The following ASTL variants were observed in gnomAD, a reference collection of about 807,000 sequenced individuals.
ASTL encodes the protein astacin-like metalloendopeptidase.
Under a neutral mutation model 36.7 loss-of-function variants are expected in ASTL, and 27 were observed. That is an observed-to-expected ratio of 0.73 (90% CI 0.54 to 1.01). ASTL has a LOEUF of 1.01. Ranked by LOEUF, ASTL falls within the 50% of genes least tolerant of loss-of-function variation. The probability of loss-of-function intolerance (pLI) is 0.00; values close to 1 mark genes in which losing one functional copy is unlikely to be tolerated. For synonymous variants in ASTL, 222 were observed against 228.1 expected (o/e 0.97, Z 0.24); for missense variants, 524 against 572.8 (o/e 0.91, Z 0.87).
intron 3 of ASTL, among the ~76,000 whole-genome samples, chr2:96,134,667 C>G (rs1300802386): frequency 6.6e-6 from 1 of 152,194 alleles, no homozygotes; most frequent in East Asian, 1.9e-4. Flanking sequence ...CTGCCCTGCC[C>G]CCGGAGTTCC....
chr2:96,132,815 G>T lies in ASTL; in HGVS notation c.456-94C>A. On this transcript the variant is annotated intron_variant, in intron 5 of 8. Coordinates refer to ENST00000342380, the MANE Select transcript of ASTL (RefSeq NM_001002036.4). This position sits in a 1 kb window ranked among gnomAD's most constrained non-coding sequence, Gnocchi z 5.4. Reference sequence around the variant, plus strand: ...CTCCCTCCCCACACAACACAAGATAGACAAACTCCCAACAGGCAGGCCCCA... The same window carrying T: ...CTCCCTCCCCACACAACACAAGATATACAAACTCCCAACAGGCAGGCCCCA... 2 of 1,191,478 alleles carry T rather than the reference G, an allele frequency of 1.7e-6. No homozygotes were observed. The highest frequency in any genetic ancestry group is 2.3e-6 in the Non-Finnish European group (2 of 860,090). The allele number at this position is 1,191,478 out of a possible 1,614,324, so 73.8% of individuals were successfully genotyped here.
At chr2:96,137,770 T>A in intron 1 of ASTL, 70 bp from the exon 2 acceptor site, 1 of 1,508,250 alleles carries the variant, frequency 6.6e-7, no homozygotes, top group Non-Finnish European at 9.1e-7. Context: ...CAGCAGGACA[T>A]GGGGTGGGTG....
At chr2:96,128,409 A>G (rs77159687) in intron 8 of ASTL, among the ~76,000 whole-genome samples, 1 of 152,004 alleles carries the variant, frequency 6.6e-6, no homozygotes. Context: ...CTTACTATAT[A>G]TTTTTTTTCT....
chr2:96,128,601 T>A (rs1682108394), intron 8 of ASTL, among the ~76,000 whole-genome samples: 1 of 152,232 alleles, frequency 6.6e-6, no homozygotes. Flanking sequence ...ATGGAATCTG[T>A]TTCTAAATTT....
intron 2 of ASTL, among the ~76,000 whole-genome samples, chr2:96,136,877 C>A (rs1682311329): frequency 6.6e-6 from 1 of 152,210 alleles, no homozygotes; most frequent in African/African-American, 2.4e-5. Context: ...TTGTGAGATG[C>A]TCTGTCGCCC....
chr2:96,133,672 G>A lies in ASTL; in HGVS notation c.338-130C>T, dbSNP rs1682233452. 1.3e-5 allele frequency: 9 copies of A among 713,970 alleles called. No individual in the cohort carries two copies. The South Asian group carries it at 1.4e-4, about 11-fold the overall frequency. 44.2% of individuals were successfully genotyped at this position (713,970 alleles called of 1,614,324 possible). A position where few individuals can be genotyped will look rare whatever the true frequency, so the allele number is the denominator to read the frequency against. On this transcript the variant is annotated intron_variant, in intron 4 of 8. Coordinates refer to ENST00000342380, the MANE Select transcript of ASTL (RefSeq NM_001002036.4). ...AAGAAAGGGCAGCTTAGTGGTGCCA[G>A]GAAGAAGCTGGGCCCCAGACAGACC...
Position 96,123,976 on chromosome 2 carries a change from T to G in ASTL, c.1170A>C (p.Gly390=). ...GVAQEQSWLA[G]VSTKPTVPSS... Reference sequence around the variant, plus strand: ...ATGGGACTGTGGGCTTGGTGGACACTCCGGCCAGCCAGGACTGCTCCTGAG... The same window carrying G: ...ATGGGACTGTGGGCTTGGTGGACACGCCGGCCAGCCAGGACTGCTCCTGAG... The change falls in exon 9 of 9, where the codon GGA becomes GGC. Residue 390 remains glycine, a synonymous_variant. Coordinates refer to ENST00000342380, the MANE Select transcript of ASTL (RefSeq NM_001002036.4). The G allele has an allele frequency of 1.2e-6, 2 of 1,613,948 alleles. No homozygotes were observed. The highest frequency in any genetic ancestry group is 8.5e-7 in the Non-Finnish European group (1 of 1,179,978).
chr2:96,129,710 G>T, intron 8 of ASTL, 114 bp downstream of exon 8: 2 of 1,041,066 alleles, frequency 1.9e-6, no homozygotes, highest in Non-Finnish European at 2.7e-6. Flanking sequence ...AAGCCCCCGT[G>T]ATCTCACCCT....
chr2:96,133,864 G>A (rs1682238397), intron 4 of ASTL, 101 bp downstream of exon 4: 1 of 810,942 alleles, frequency 1.2e-6, no homozygotes, highest in East Asian at 2.6e-5. Flanking sequence ...TGGGGAGGTG[G>A]AAGGGATGTG....
At chr2:96,135,531 C>T (rs1682278949) in intron 2 of ASTL, 119 bp from the exon 3 acceptor site, 1 of 849,756 alleles carries the variant, frequency 1.2e-6, no homozygotes, top group Non-Finnish European at 1.9e-6. Flanking sequence ...TGGATTGTTA[C>T]TTTTATAAGT....
chr2:96,138,083 G>T (rs1467003969), intron 1 of ASTL, among the ~76,000 whole-genome samples: 1 of 152,138 alleles, frequency 6.6e-6, no homozygotes, highest in Non-Finnish European at 1.5e-5. Flanking sequence ...GCTCAGCCTG[G>T]ATGACTCCCT....
intron 4 of ASTL, 126 bp downstream of exon 4, chr2:96,133,839 G>A: frequency 1.4e-6 from 1 of 726,040 alleles, no homozygotes; most frequent in Middle Eastern, 2.3e-4. Flanking sequence ...GGCATCTGTG[G>A]ACAGGTTCTT....
At position 96,129,901 on chromosome 2, in the gene ASTL, T is replaced by C. The variant is rs1682135568; in HGVS notation, c.797A>G (p.Asn266Ser). Residue 266 changes from asparagine to serine, a missense_variant, in exon 8 of 9, where the codon AAC (asparagine) becomes AGC (serine). By Grantham distance (46) the Asn-to-Ser change is conservative. Coordinates refer to ENST00000342380, the MANE Select transcript of ASTL (RefSeq NM_001002036.4). ...CCGGGTGATGTCCGAGGCACTCAGG[T>C]TCCATCGCTGGCCGATGTGGACACT... Reference protein sequence around the residue: ...APSVHIGQRWNLSASDITRVL... With the variant: ...APSVHIGQRWSLSASDITRVL... The C allele has an allele frequency of 6.2e-7, 1 of 1,605,990 alleles. No homozygotes were observed. The highest frequency in any genetic ancestry group is 1.3e-5 in the African/African-American group (1 of 74,778).
chr2:96,133,207 A>G (rs991394085), intron 5 of ASTL, among the ~76,000 whole-genome samples: 8 of 152,048 alleles, frequency 5.3e-5, no homozygotes, highest in African/African-American at 1.9e-4. Flanking sequence ...GTCCCCCGGG[A>G]GAGGAGGGCT....
chr2:96,129,854 TG>T lies in ASTL; in HGVS notation c.843del (p.Cys281Ter). 1 of 1,582,024 alleles carries T rather than the reference TG, an allele frequency of 6.3e-7. No homozygotes were observed. Among genetic ancestry groups the T allele is most frequent in the Non-Finnish European group, 8.6e-7 (1 of 1,160,832 alleles). ...CCACGGGGCCTGGGGCCACTTGGGCTGCAGCCGTAGAGTTTGAGGACCCGGG... is the reference window on the plus strand; with the variant it reads ...CCACGGGGCCTGGGGCCACTTGGGCTCAGCCGTAGAGTTTGAGGACCCGGG... ...DITRVLKLYGCSPSGPRPRGR... is the reference protein window; with the variant it reads ...DITRVLKLYGXSPSGPRPRGR... On this transcript the variant is annotated frameshift_variant, in exon 8 of 9. Transcript: ENST00000342380. LOFTEE classifies it low-confidence loss of function (END_TRUNC).
rs74669439 is a variant in ASTL, at chr2:96,136,573, C to T, written c.181+1002G>A. Among the ~76,000 whole-genome samples the T allele has an allele frequency of 3.4e-3, 515 of 152,288 alleles. 2 individuals are homozygous for T. The highest frequency in any genetic ancestry group is 6.2e-3 in the Non-Finnish European group (422 of 68,016). ...ACGGTGATCCAGGGGTGGGATGGTG[C>T]CTGGGGCTCAAGGCTCAGCTGGCGC... On this transcript the variant is annotated intron_variant, in intron 2 of 8. Transcript: ENST00000342380.
At position 96,122,833 on chromosome 2, in the gene ASTL, C is replaced by G. The variant is rs1449209719; in HGVS notation, c.*1017G>C. ...GGTGGGAAGGTCAGCACAGCACACT[C>G]CACTTTATTTCCTCCCCCAACATGT... On this transcript the variant is annotated 3_prime_UTR_variant, in exon 9 of 9. Transcript: ENST00000342380. Among the ~76,000 whole-genome samples, 3 of 152,228 alleles carry G rather than the reference C, an allele frequency of 2.0e-5. No homozygotes were observed. Among genetic ancestry groups the G allele is most frequent in the Non-Finnish European group, 4.4e-5 (3 of 68,030 alleles).
intron 3 of ASTL, 64 bp from the exon 4 acceptor site, chr2:96,134,122 G>T (rs1682246435): frequency 1.8e-6 from 2 of 1,104,228 alleles, no homozygotes; most frequent in African/African-American, 1.5e-5. Flanking sequence ...TGCCCCAAGG[G>T]TACCACACCC....
rs144520713 is a variant in ASTL at position 96,135,411 on chromosome 2, C to A, written c.183G>T (p.Gly61=). The A allele has an allele frequency of 1.2e-4, 192 of 1,614,060 alleles. 1 individual carries two copies. The African/African-American group carries it at 2.3e-3, about 20-fold the overall frequency. ...GDKDIPAINQ[G]LILEETPESS... is the part of the protein sequence containing the mutation. ...TCTCTGGGGTTTCTTCCAGGATGAG[C>A]CCTGGGAAAGGAAGAAGGACGTGTT... Residue 61 remains glycine, a splice_region_variant and synonymous_variant, in exon 3 of 9, where the codon GGG becomes GGT. Coordinates refer to ENST00000342380, the MANE Select transcript of ASTL (RefSeq NM_001002036.4).
Sources: allele counts gnomAD v4.1 joint callset (sites outside exome capture counted in the v4.1 genomes callset), GRCh38; gene constraint gnomAD v4.1.1; non-coding constraint Gnocchi (gnomAD v3.1); transcripts MANE v1.5; gene names NCBI Gene and HGNC (gene_info 2026-07-23, HGNC 2026-07-21).